The following MGMT variants were observed in gnomAD, a reference collection of about 807,000 sequenced individuals.
The protein encoded by MGMT is O-6-methylguanine-DNA methyltransferase.
Under a neutral mutation model 15.9 loss-of-function variants are expected in MGMT, and 14 were observed. That is an observed-to-expected ratio of 0.88 (90% CI 0.58 to 1.37). The LOEUF (loss-of-function observed/expected upper bound fraction) is 1.37. MGMT is among the 40% of genes most tolerant of loss of function. The probability of loss-of-function intolerance (pLI) is 0.00; values close to 1 mark genes in which losing one functional copy is unlikely to be tolerated. For synonymous variants in MGMT, 130 were observed against 118.2 expected (o/e 1.10, Z -0.65); for missense variants, 282 against 268.1 (o/e 1.05, Z -0.36).
At chr10:129,723,905 CCT>C (rs745949095) in intron 3 of MGMT, among the ~76,000 whole-genome samples, 2 of 152,148 alleles carry the variant, frequency 1.3e-5, no homozygotes, top group African/African-American at 2.4e-5. Context: ...CGCAGCCTCG[CCT>C]CTCGTATACA....
chr10:129,611,669 GGA>G, intron 2 of MGMT, among the ~76,000 whole-genome samples: 1 of 152,290 alleles, frequency 6.6e-6, no homozygotes, highest in African/African-American at 2.4e-5. Context: ...AGGGAACTCT[GGA>G]GAGAGAATGA....
chr10:129,646,739 TA>T (rs1266846573), intron 2 of MGMT, among the ~76,000 whole-genome samples: 1,144 of 107,356 alleles, frequency 0.011, 122 homozygotes, highest in Non-Finnish European at 0.017. Flanking sequence ...TATATATATA[TA>T]TATATATATA....
intron 3 of MGMT, among the ~76,000 whole-genome samples, chr10:129,720,759 C>T (rs889697867): frequency 1.3e-5 from 2 of 152,166 alleles, no homozygotes; most frequent in Non-Finnish European, 2.9e-5. Context: ...TGACAATGAA[C>T]GAATGAATAA....
intron 3 of MGMT, among the ~76,000 whole-genome samples, chr10:129,716,853 A>T (rs1199285171): frequency 6.6e-6 from 1 of 152,240 alleles, no homozygotes; most frequent in East Asian, 1.9e-4. Flanking sequence ...ACTGTGAAGG[A>T]GCCAAATCGG....
At chr10:129,539,650 G>A (rs1436536999) in intron 2 of MGMT, among the ~76,000 whole-genome samples, 1 of 152,144 alleles carries the variant, frequency 6.6e-6, no homozygotes, top group African/African-American at 2.4e-5. Flanking sequence ...GAGACTACAG[G>A]CGCCTGCTGC....
chr10:129,646,754 A>ATTTTTTTTTTTTTTTTT (rs1554873525), intron 2 of MGMT, among the ~76,000 whole-genome samples: 28 of 86,534 alleles, frequency 3.2e-4, no homozygotes, highest in Admixed American at 6.0e-4. Context: ...ATATATATAT[A>ATTTTTTTTTTTTTTTTT]TTTTCAGGGA....
At chr10:129,649,354 A>G (rs1300639376) in intron 2 of MGMT, among the ~76,000 whole-genome samples, 1 of 152,124 alleles carries the variant, frequency 6.6e-6, no homozygotes, top group African/African-American at 2.4e-5. Flanking sequence ...CGACGTGGTA[A>G]TGCAAACTTA....
intron 2 of MGMT, among the ~76,000 whole-genome samples, chr10:129,584,682 G>C (rs1421573966): frequency 6.6e-6 from 1 of 152,090 alleles, no homozygotes; most frequent in African/African-American, 2.4e-5. Flanking sequence ...CCACTAGTCT[G>C]TCTGTGTCTG....
intron 2 of MGMT, among the ~76,000 whole-genome samples, chr10:129,588,355 A>G (rs1399274739): frequency 6.6e-6 from 1 of 152,208 alleles, no homozygotes; most frequent in Admixed American, 6.5e-5. Flanking sequence ...GTGGTGGTTA[A>G]ACCACTGAAT....
rs1845958369 is a variant in MGMT at position 129,533,873 on chromosome 10, A to AGGCAGTCACTTTGGAAGAATGGGC, written c.-12-2365_-12-2342dup. Among the ~76,000 whole-genome samples, 1 of 152,052 alleles carries AGGCAGTCACTTTGGAAGAATGGGC rather than the reference A, an allele frequency of 6.6e-6. No individual in the cohort carries two copies. The highest frequency in any genetic ancestry group is 6.6e-5 in the Admixed American group (1 of 15,260). On this transcript the variant is annotated intron_variant, in intron 1 of 4. Coordinates refer to ENST00000651593, the MANE Select transcript of MGMT (RefSeq NM_002412.5). This position sits in a 1 kb window ranked among gnomAD's most constrained non-coding sequence, Gnocchi z 4.5. ...TGAGAAATGGAGATGGGAGAAGGGG[A>AGGCAGTCACTTTGGAAGAATGGGC]GGCAGTCACTTTGGAAGAATGGGCG...
intron 2 of MGMT, among the ~76,000 whole-genome samples, chr10:129,657,773 G>C (rs1847548290): frequency 6.6e-6 from 1 of 151,314 alleles, no homozygotes; most frequent in Admixed American, 6.6e-5. Flanking sequence ...CTCTTAGCGT[G>C]TGTGGAGTCA....
chr10:129,505,966 G>A (rs557817455), intron 1 of MGMT, among the ~76,000 whole-genome samples: 8 of 151,676 alleles, frequency 5.3e-5, no homozygotes, highest in African/African-American at 1.5e-4. Context: ...AGATGGCCAC[G>A]AGCTGAGACC....
At chr10:129,478,638 G>T (rs1845322962) in intron 1 of MGMT, among the ~76,000 whole-genome samples, 1 of 152,228 alleles carries the variant, frequency 6.6e-6, no homozygotes, top group African/African-American at 2.4e-5. Context: ...TTTCCTGAAG[G>T]ATCTTGCCAT....
intron 2 of MGMT, among the ~76,000 whole-genome samples, chr10:129,691,444 C>T (rs1847968648): frequency 6.6e-6 from 1 of 152,240 alleles, no homozygotes; most frequent in African/African-American, 2.4e-5. Flanking sequence ...GCAGCGTGTG[C>T]ACCTGGGCAG....
At chr10:129,647,318 G>T (rs1006835820) in intron 2 of MGMT, among the ~76,000 whole-genome samples, 9 of 152,120 alleles carry the variant, frequency 5.9e-5, no homozygotes, top group African/African-American at 2.2e-4. Context: ...ACGCTCAAGT[G>T]TGTAGTTTAC....
intron 3 of MGMT, among the ~76,000 whole-genome samples, chr10:129,721,367 A>G (rs766629817): frequency 1.2e-4 from 18 of 152,278 alleles, no homozygotes; most frequent in African/African-American, 1.7e-4. Context: ...ATGGTATCCC[A>G]TTGAGTCTGT....
intron 2 of MGMT, among the ~76,000 whole-genome samples, chr10:129,617,268 T>C (rs1439331599): frequency 6.6e-6 from 1 of 152,224 alleles, no homozygotes; most frequent in Non-Finnish European, 1.5e-5. Context: ...CTCATTCTTT[T>C]ATTATGGCTG....
chr10:129,761,681 C>T (rs1417034588), intron 4 of MGMT, among the ~76,000 whole-genome samples: 1 of 152,246 alleles, frequency 6.6e-6, no homozygotes, highest in Non-Finnish European at 1.5e-5. Flanking sequence ...CATCGGCACC[C>T]TGTCCCATGG....
rs764739429 is a variant in MGMT at position 129,754,304 on chromosome 10, C to G, written c.275-4898C>G. ...AGACAGCTGGGGCTTTTCCCCACTCCGCTAAACTCTTCCTATTACTAAACC... is the reference window on the plus strand; with the variant it reads ...AGACAGCTGGGGCTTTTCCCCACTCGGCTAAACTCTTCCTATTACTAAACC... On this transcript the variant is annotated intron_variant, in intron 3 of 4. Coordinates refer to ENST00000651593, the MANE Select transcript of MGMT (RefSeq NM_002412.5). Among the ~76,000 whole-genome samples the G allele has an allele frequency of 7.0e-4, 106 of 152,302 alleles. 1 individual carries two copies. Among genetic ancestry groups the G allele is most frequent in the East Asian group, 5.8e-4 (3 of 5,170 alleles).
Sources: allele counts gnomAD v4.1 joint callset (sites outside exome capture counted in the v4.1 genomes callset), GRCh38; gene constraint gnomAD v4.1.1; non-coding constraint Gnocchi (gnomAD v3.1); transcripts MANE v1.5; gene names NCBI Gene and HGNC (gene_info 2026-07-23, HGNC 2026-07-21).